PCDHGA6: variants seen among roughly 807,000 people sequenced by gnomAD.
The protein encoded by PCDHGA6 is protocadherin gamma-A6.
In PCDHGA6, 41 loss-of-function variants were observed where a neutral mutation model predicts 60.6. The observed-to-expected ratio is 0.68, with a 90% CI of 0.53 to 0.88. The LOEUF is 0.88. Ranked by LOEUF, PCDHGA6 falls within the 40% of genes least tolerant of loss-of-function variation. The pLI, the probability that PCDHGA6 is intolerant of heterozygous loss-of-function variation, is 0.00. For synonymous variants in PCDHGA6, 594 were observed against 524.4 expected (o/e 1.13, Z -1.81); for missense variants, 1,312 against 1,203.0 (o/e 1.09, Z -1.34).
At chr5:141,404,102 T>C (rs1288980459) in intron 1 of PCDHGA6, 16 of 1,613,462 alleles carry the variant, frequency 9.9e-6, no homozygotes, top group Non-Finnish European at 8.5e-7. Context: ...TCAAGTTGTC[T>C]GTTCTATCCA....
chr5:141,476,661 T>G lies in PCDHGA6; in HGVS notation c.2425-18146T>G. 1.2e-6 allele frequency: 2 copies of G among 1,614,076 alleles called. No individual in the cohort carries two copies. The highest frequency in any genetic ancestry group is 1.7e-6 in the Non-Finnish European group (2 of 1,179,938). On this transcript the variant is annotated intron_variant, in intron 1 of 3. Coordinates refer to ENST00000517434, the MANE Select transcript of PCDHGA6 (RefSeq NM_018919.3). The surrounding 1 kb of genome is among the most constrained non-coding windows in gnomAD (Gnocchi z 7.6). Reference sequence around the variant, plus strand: ...CTGAGCCGAAATGAATACTTTGCGCTTCGCGTGCAGACGCGGGAGGACAGC... The same window carrying G: ...CTGAGCCGAAATGAATACTTTGCGCGTCGCGTGCAGACGCGGGAGGACAGC...
intron 1 of PCDHGA6, chr5:141,398,765 C>T (rs2093700875): frequency 6.2e-7 from 1 of 1,613,944 alleles, no homozygotes. Flanking sequence ...TTAGTCCTGA[C>T]TGCCTTGGAC....
chr5:141,395,414 T>A (rs1254527655), intron 1 of PCDHGA6: 7 of 780,958 alleles, frequency 9.0e-6, no homozygotes, highest in Non-Finnish European at 1.4e-5. Flanking sequence ...TAGGTTATTG[T>A]TTCATTTGCT....
chr5:141,394,196 C>T, intron 1 of PCDHGA6: 1 of 1,613,910 alleles, frequency 6.2e-7, no homozygotes, highest in Non-Finnish European at 8.5e-7. Flanking sequence ...CAGCGTATAT[C>T]CTAGAGAACA....
chr5:141,440,328 T>G (rs1311315077), intron 1 of PCDHGA6: 1 of 152,102 alleles, frequency 6.6e-6, no homozygotes. Context: ...TTACTGGGCA[T>G]GGTGGTGCAG....
intron 1 of PCDHGA6, chr5:141,389,923 C>T: frequency 6.2e-7 from 1 of 1,614,076 alleles, no homozygotes; most frequent in Non-Finnish European, 8.5e-7. Context: ...CCCGACCCCT[C>T]TGACCTCCAG....
Position 141,489,352 on chromosome 5 carries a change from G to A in PCDHGA6, c.2425-5455G>A, listed in dbSNP as rs1336068787. 1.9e-6 allele frequency: 3 copies of A among 1,612,152 alleles called. No homozygotes were observed. In the Admixed American group the frequency reaches 5.0e-5, roughly 27 times the overall value. On this transcript the variant is annotated intron_variant, in intron 1 of 3. Transcript: ENST00000517434. The surrounding 1 kb of genome is among the most constrained non-coding windows in gnomAD (Gnocchi z 4.5). ...GCAGCTTCGTTACTCAGTGGTGGAG[G>A]AGTCTGAGCCGGGGACGCTGGTGGG...
intron 1 of PCDHGA6, chr5:141,422,140 C>CG (rs1369033587): frequency 6.3e-7 from 1 of 1,586,656 alleles, no homozygotes; most frequent in Non-Finnish European, 8.5e-7. Context: ...AGTTCAAGTA[C>CG]GGGGGTCTCT....
chr5:141,399,797 G>T, intron 1 of PCDHGA6: 2 of 1,613,192 alleles, frequency 1.2e-6, no homozygotes, highest in Non-Finnish European at 8.5e-7. Context: ...AACGCACCGC[G>T]GGTGCTGTAC....
At chr5:141,446,837 T>G (rs2098518039) in intron 1 of PCDHGA6, among the ~76,000 whole-genome samples, 1 of 152,168 alleles carries the variant, frequency 6.6e-6, no homozygotes, top group South Asian at 2.1e-4. Flanking sequence ...CTTATAAGGC[T>G]GAGCATAATA....
chr5:141,398,497 G>A, intron 1 of PCDHGA6: 1 of 1,570,856 alleles, frequency 6.4e-7, no homozygotes, highest in Non-Finnish European at 8.6e-7. Context: ...TGTGGAGATC[G>A]AGGACATTAA....
chr5:141,415,651 A>C, intron 1 of PCDHGA6: 1 of 1,595,106 alleles, frequency 6.3e-7, no homozygotes. Context: ...TAAAAAAAAA[A>C]AGATTGGTTT....
chr5:141,462,253 A>C (rs7717600), intron 1 of PCDHGA6, among the ~76,000 whole-genome samples: 42,489 of 152,124 alleles, frequency 0.28, 6,669 homozygotes, highest in African/African-American at 0.43. Context: ...AGCCACCATG[A>C]CCAGCCTAAA....
At chr5:141,410,858 T>A in intron 1 of PCDHGA6, 1 of 436,188 alleles carries the variant, frequency 2.3e-6, no homozygotes, top group Non-Finnish European at 3.8e-6. Context: ...TCTTTTTTTT[T>A]TTTTTTTTTT....
chr5:141,508,935 A>T (rs180987868), intron 3 of PCDHGA6, among the ~76,000 whole-genome samples: 2 of 152,118 alleles, frequency 1.3e-5, no homozygotes, highest in Non-Finnish European at 2.9e-5. Context: ...GGAGTTAATT[A>T]GGGAAAACAG....
chr5:141,409,038 A>G (rs571756448), intron 1 of PCDHGA6: 9 of 1,614,026 alleles, frequency 5.6e-6, no homozygotes, highest in Non-Finnish European at 7.6e-6. Flanking sequence ...GAGATAAACT[A>G]CTACTTCCGA....
At chr5:141,394,326 A>G in intron 1 of PCDHGA6, 1 of 1,613,902 alleles carries the variant, frequency 6.2e-7, no homozygotes, top group Non-Finnish European at 8.5e-7. Flanking sequence ...GTCCTCGTAT[A>G]TCTCCATCAA....
chr5:141,499,921 C>A, intron 2 of PCDHGA6, among the ~76,000 whole-genome samples: 1 of 152,128 alleles, frequency 6.6e-6, no homozygotes, highest in Middle Eastern at 3.2e-3. Context: ...CTCCTGGCCT[C>A]AAGTGATCCA....
intron 1 of PCDHGA6, among the ~76,000 whole-genome samples, chr5:141,447,123 T>TTTTG (rs1327676720): frequency 6.6e-6 from 1 of 152,160 alleles, no homozygotes; most frequent in Admixed American, 6.6e-5. Context: ...CCATGGATTT[T>TTTTG]TTTGTTTGTT....
Sources: allele counts gnomAD v4.1 joint callset (sites outside exome capture counted in the v4.1 genomes callset), GRCh38; gene constraint gnomAD v4.1.1; non-coding constraint Gnocchi (gnomAD v3.1); transcripts MANE v1.5; gene names NCBI Gene and HGNC (gene_info 2026-07-23, HGNC 2026-07-21).